RASA2: variants seen among roughly 807,000 people sequenced by gnomAD.
The protein encoded by RASA2 is ras GTPase-activating protein 2.
RASA2 carries 155 observed loss-of-function variants against 118.2 expected under a neutral mutation model. The ratio of observed to expected loss-of-function variants is 1.31; its 90% CI spans 1.15 to 1.50. The LOEUF is 1.50. Ranked by LOEUF, RASA2 falls within the 40% of genes most tolerant of loss-of-function variation. RASA2 has a pLI of 0.00. For synonymous variants in RASA2, 353 were observed against 349.1 expected (o/e 1.01, Z -0.12); for missense variants, 1,016 against 1,009.6 (o/e 1.01, Z -0.09).
rs889248713 is a variant in RASA2, at chr3:141,613,973, A to G, written c.*1660A>G. The stretch of plus-strand genomic sequence containing the variant: ...TAGATTCCATAAACTACACTGATTT[A>G]TACATTTGAAAGAATTTAGCCATTT... On this transcript the variant is annotated 3_prime_UTR_variant, in exon 24 of 24. Coordinates refer to ENST00000286364, the MANE Select transcript of RASA2 (RefSeq NM_006506.5). The G allele has an allele frequency of 3.3e-5, 5 of 152,324 alleles. No individual in the cohort carries two copies. Among genetic ancestry groups the G allele is most frequent in the African/African-American group, 9.6e-5 (4 of 41,580 alleles). 9.4% of individuals were successfully genotyped at this position (152,324 alleles called of 1,614,324 possible).
intron 1 of RASA2, among the ~76,000 whole-genome samples, chr3:141,508,617 A>G (rs948125675): frequency 5.3e-5 from 8 of 152,074 alleles, no homozygotes; most frequent in African/African-American, 9.7e-5. Flanking sequence ...GTTCTCAAGC[A>G]GTTTGCCCAC....
intron 8 of RASA2, among the ~76,000 whole-genome samples, chr3:141,559,609 C>A (rs184791070): frequency 6.6e-6 from 1 of 152,092 alleles, no homozygotes; most frequent in Non-Finnish European, 1.5e-5. Context: ...TTTCTGTAGT[C>A]CTTATTGCTA....
Position 141,529,704 on chromosome 3 carries a change from G to C in RASA2, c.356-4G>C. On this transcript the variant is annotated splice_region_variant and splice_polypyrimidine_tract_variant and intron_variant, in intron 3 of 23. Coordinates refer to ENST00000286364, the MANE Select transcript of RASA2 (RefSeq NM_006506.5). ...TCTTATATTGTTTTACTTATTTTCT[G>C]TAGGAAAAGTAGCCATCAAAAAAGA... 6.2e-7 allele frequency: 1 copy of C among 1,600,726 alleles called. No individual in the cohort carries two copies. Among genetic ancestry groups the C allele is most frequent in the Non-Finnish European group, 8.6e-7 (1 of 1,169,064 alleles).
At chr3:141,607,240 T>G (rs1176559874) in intron 19 of RASA2, among the ~76,000 whole-genome samples, 1 of 152,138 alleles carries the variant, frequency 6.6e-6, no homozygotes, top group African/African-American at 2.4e-5. Flanking sequence ...TTCATTAAAT[T>G]TAGGTTAGAA....
chr3:141,572,564 A>G (rs934224452), intron 11 of RASA2, 45 bp from the exon 12 acceptor site: 2 of 1,414,546 alleles, frequency 1.4e-6, no homozygotes, highest in African/African-American at 2.8e-5. Flanking sequence ...TATTGGTTTC[A>G]AAACCTTTGT....
chr3:141,528,500 G>GT (rs1373749466), intron 3 of RASA2, among the ~76,000 whole-genome samples: 1 of 151,868 alleles, frequency 6.6e-6, no homozygotes, highest in Non-Finnish European at 1.5e-5. Context: ...TACGGTTCTT[G>GT]TAACTTTTCT....
At position 141,597,634 on chromosome 3, in the gene RASA2, T is replaced by C. The variant is rs559985085; in HGVS notation, c.1934-10044T>C. On this transcript the variant is annotated intron_variant, in intron 19 of 23. Transcript: ENST00000286364. The stretch of plus-strand genomic sequence containing the variant: ...CAAATAGGCTCACCTTAATAAAGCT[T>C]TTATTTTTAAAAAAAGAAAGGATAA... Among the ~76,000 whole-genome samples, 424 of 152,254 alleles carry C rather than the reference T, an allele frequency of 2.8e-3. 2 individuals are homozygous for C. Among genetic ancestry groups the C allele is most frequent in the African/African-American group, 9.9e-3 (411 of 41,542 alleles).
At chr3:141,603,325 C>CT (rs1291926902) in intron 19 of RASA2, among the ~76,000 whole-genome samples, 1 of 152,078 alleles carries the variant, frequency 6.6e-6, no homozygotes, top group Non-Finnish European at 1.5e-5. Flanking sequence ...AATCCCACTA[C>CT]TTTAGGAGGC....
intron 4 of RASA2, among the ~76,000 whole-genome samples, chr3:141,532,120 A>G (rs976319026): frequency 6.6e-6 from 1 of 152,116 alleles, no homozygotes; most frequent in Non-Finnish European, 1.5e-5. Flanking sequence ...TTAACTTTCA[A>G]AGTAGCATTA....
intron 4 of RASA2, 77 bp downstream of exon 4, chr3:141,529,879 T>C: frequency 8.8e-7 from 1 of 1,136,550 alleles, no homozygotes; most frequent in South Asian, 1.3e-5. Flanking sequence ...AACTGGTTCA[T>C]GTAAATAGAG....
chr3:141,554,209 A>G (rs1017739601), intron 6 of RASA2, among the ~76,000 whole-genome samples: 14 of 152,236 alleles, frequency 9.2e-5, no homozygotes, highest in African/African-American at 3.4e-4. Context: ...ACAATGTAGT[A>G]CTTTAAAACA....
chr3:141,528,620 C>A (rs1377862688), intron 3 of RASA2, among the ~76,000 whole-genome samples: 2 of 151,462 alleles, frequency 1.3e-5, no homozygotes, highest in Non-Finnish European at 1.5e-5. Flanking sequence ...GTGGTGGGGG[C>A]CTTAATATAT....
intron 5 of RASA2, among the ~76,000 whole-genome samples, chr3:141,549,494 T>C (rs893633359): frequency 2.6e-5 from 4 of 151,448 alleles, no homozygotes; most frequent in South Asian, 4.2e-4. Flanking sequence ...CGTGTGTGTG[T>C]GTGTGTGTGT....
chr3:141,521,784 T>C (rs1026133717), intron 3 of RASA2, among the ~76,000 whole-genome samples: 5 of 152,144 alleles, frequency 3.3e-5, no homozygotes, highest in African/African-American at 1.2e-4. Context: ...ATAGAGTTAT[T>C]ATTAAACACA....
intron 4 of RASA2, among the ~76,000 whole-genome samples, chr3:141,538,587 A>C (rs1560017357): frequency 6.6e-6 from 1 of 152,210 alleles, no homozygotes; most frequent in Non-Finnish European, 1.5e-5. Context: ...GTTAAAGTAT[A>C]TAATGAGTTA....
intron 22 of RASA2, 29 bp downstream of exon 22, chr3:141,609,552 C>A: frequency 1.4e-6 from 2 of 1,440,866 alleles, no homozygotes; most frequent in South Asian, 1.2e-5. Context: ...TTTATATAAC[C>A]ATAATCTTTC....
chr3:141,581,712 T>G (rs1352990006), intron 17 of RASA2, among the ~76,000 whole-genome samples: 7 of 152,162 alleles, frequency 4.6e-5, no homozygotes, highest in Non-Finnish European at 1.0e-4. Flanking sequence ...AAAAAATATA[T>G]ACATTATTGA....
chr3:141,516,788 T>C (rs2082034159), intron 3 of RASA2, among the ~76,000 whole-genome samples: 1 of 151,544 alleles, frequency 6.6e-6, no homozygotes, highest in Admixed American at 6.6e-5. Context: ...TTGTTTTTTT[T>C]TTTGACACAG....
Position 141,612,414 on chromosome 3 carries a change from G to A in RASA2, c.*101G>A, listed in dbSNP as rs778509941. 36 of 904,028 alleles carry A rather than the reference G, an allele frequency of 4.0e-5. No individual in the cohort carries two copies. Among genetic ancestry groups the A allele is most frequent in the Non-Finnish European group, 5.2e-5 (31 of 593,630 alleles). 56.0% of individuals were successfully genotyped at this position (904,028 alleles called of 1,614,324 possible). On this transcript the variant is annotated 3_prime_UTR_variant, in exon 24 of 24. Coordinates refer to ENST00000286364, the MANE Select transcript of RASA2 (RefSeq NM_006506.5). ...TCATGGTATTTAAGAATGAGCATCC[G>A]CTTCAATGTCATCTGCCTCCACATT...
Sources: allele counts gnomAD v4.1 joint callset (sites outside exome capture counted in the v4.1 genomes callset), GRCh38; gene constraint gnomAD v4.1.1; transcripts MANE v1.5; gene names NCBI Gene and HGNC (gene_info 2026-07-23, HGNC 2026-07-21).